The following TRIM33 variants were observed in gnomAD, a reference collection of about 807,000 sequenced individuals.
TRIM33 encodes the protein E3 ubiquitin-protein ligase TRIM33.
In TRIM33, 20 loss-of-function variants were observed where a neutral mutation model predicts 125.4. The ratio of observed to expected loss-of-function variants is 0.16; its 90% CI spans 0.11 to 0.23. The LOEUF is 0.23. Among genes scored for constraint, TRIM33 ranks in the 10% least tolerant of loss-of-function variants. The pLI, the probability that TRIM33 is intolerant of heterozygous loss-of-function variation, is 1.00. For missense variants in TRIM33, 920 were observed against 1,411.4 expected, an observed-to-expected ratio of 0.65 and a Z score of 5.58; for synonymous variants, 564 against 513.9, an observed-to-expected ratio of 1.10 and a Z score of -1.32.
At chr1:114,414,002 CA>C (rs1250606007) in intron 11 of TRIM33, among the ~76,000 whole-genome samples, 1 of 144,558 alleles carries the variant, frequency 6.9e-6, no homozygotes, top group Non-Finnish European at 1.5e-5. Flanking sequence ...CAAAACAAAA[CA>C]AAATAAACCA....
At chr1:114,430,032 G>A (rs1647842609) in intron 6 of TRIM33, among the ~76,000 whole-genome samples, 1 of 151,814 alleles carries the variant, frequency 6.6e-6, no homozygotes, top group Non-Finnish European at 1.5e-5. Context: ...CTAAGTTTAA[G>A]GTTTATAAAT....
intron 1 of TRIM33, among the ~76,000 whole-genome samples, chr1:114,493,753 C>T (rs1652206987): frequency 6.6e-6 from 1 of 152,102 alleles, no homozygotes; most frequent in Non-Finnish European, 1.5e-5. Context: ...GTCAATGCAG[C>T]CTCAACCTCC....
At chr1:114,472,990 A>C (rs1650741719) in intron 1 of TRIM33, among the ~76,000 whole-genome samples, 1 of 152,030 alleles carries the variant, frequency 6.6e-6, no homozygotes, top group Non-Finnish European at 1.5e-5. Flanking sequence ...AAGAAATAGC[A>C]CTCAAATATA....
In TRIM33 at chr1:114,425,500, T is replaced by C. The variant is rs1382094147; in HGVS notation, c.1644A>G (p.Thr548=). The part of the protein sequence containing the change: ...QPPAPVPTTT[T]TTQQHPRQAA... ...CTTGTCTAGGATGCTGTTGTGTTGTTGTTGTTGTAGTTGGTACAGGTGCTG... is the reference window on the plus strand; with the variant it reads ...CTTGTCTAGGATGCTGTTGTGTTGTCGTTGTTGTAGTTGGTACAGGTGCTG... The change falls in exon 9 of 20, where the codon ACA becomes ACG. Residue 548 remains threonine (T), a synonymous_variant. Coordinates refer to ENST00000358465, the MANE Select transcript of TRIM33 (RefSeq NM_015906.4). 7 of 1,614,074 alleles carry C rather than the reference T, an allele frequency of 4.3e-6. No individual in the cohort carries two copies. Among genetic ancestry groups the C allele is most frequent in the Non-Finnish European group, 5.9e-6 (7 of 1,180,028 alleles).
At chr1:114,510,441 G>C in intron 1 of TRIM33, 110 bp downstream of exon 1, 5 of 1,072,694 alleles carry the variant, frequency 4.7e-6, no homozygotes, top group Non-Finnish European at 6.3e-6. Context: ...GAGACCCCTC[G>C]GGATGGCGCC....
At chr1:114,473,541 T>C (rs1650785840) in intron 1 of TRIM33, among the ~76,000 whole-genome samples, 1 of 152,042 alleles carries the variant, frequency 6.6e-6, no homozygotes. Flanking sequence ...TCGGAATGAA[T>C]CAGGGTGGAG....
chr1:114,477,159 C>T lies in TRIM33; in HGVS notation c.527-12771G>A, dbSNP rs1339568595. Among the ~76,000 whole-genome samples, 3 of 151,970 alleles carry T rather than the reference C, an allele frequency of 2.0e-5. No individual in the cohort carries two copies. In the East Asian group the frequency reaches 5.8e-4, roughly 29 times the overall value. On this transcript the variant is annotated intron_variant, in intron 1 of 19. Transcript: ENST00000358465. Reference sequence around the variant, plus strand: ...GATTATTCAACGGAAAGAAATTTAACAAAATAATCATATCAAAACAACTGA... The same window carrying T: ...GATTATTCAACGGAAAGAAATTTAATAAAATAATCATATCAAAACAACTGA...
chr1:114,412,708 T>C (rs995452621), intron 11 of TRIM33, among the ~76,000 whole-genome samples: 4 of 152,246 alleles, frequency 2.6e-5, no homozygotes, highest in Non-Finnish European at 5.9e-5. Flanking sequence ...TCACTGTTAG[T>C]TACTATTCTA....
At position 114,424,762 on chromosome 1, in the gene TRIM33, A is replaced by T; in HGVS notation, c.1696-7T>A. 6.8e-7 allele frequency: 1 copy of T among 1,475,326 alleles called. No homozygotes were observed. Among genetic ancestry groups the T allele is most frequent in the Non-Finnish European group, 9.0e-7 (1 of 1,108,428 alleles). The allele number at this position is 1,475,326 out of a possible 1,614,324, so 91.4% of individuals were successfully genotyped here. A position where few individuals can be genotyped will look rare whatever the true frequency, so the allele number is the denominator to read the frequency against. The stretch of plus-strand genomic sequence containing the variant: ...CACTGATCAATCGAGGAGGCTACAA[A>T]AAGTAGAAATTGCAATTTATGTAAT... On this transcript the variant is annotated splice_region_variant and splice_polypyrimidine_tract_variant and intron_variant, in intron 9 of 19. Transcript: ENST00000358465.
At chr1:114,424,828 T>C (rs1218936062) in intron 9 of TRIM33, 73 bp from the exon 10 acceptor site, 1 of 1,061,010 alleles carries the variant, frequency 9.4e-7, no homozygotes, top group Non-Finnish European at 1.3e-6. Context: ...AATGTAATCA[T>C]AAAAATAATT....
At chr1:114,452,277 T>C (rs1649357339) in intron 4 of TRIM33, among the ~76,000 whole-genome samples, 1 of 152,084 alleles carries the variant, frequency 6.6e-6, no homozygotes, top group South Asian at 2.1e-4. Context: ...CTGGCCAACA[T>C]GGTGAAACCC....
At chr1:114,447,762 C>T (rs1203378920) in intron 4 of TRIM33, among the ~76,000 whole-genome samples, 2 of 152,064 alleles carry the variant, frequency 1.3e-5, no homozygotes, top group African/African-American at 4.8e-5. Context: ...CTTCTGGTAG[C>T]CAAGTACATA....
At chr1:114,485,836 TA>T (rs1300610289) in intron 1 of TRIM33, among the ~76,000 whole-genome samples, 2 of 152,104 alleles carry the variant, frequency 1.3e-5, no homozygotes, top group Admixed American at 1.3e-4. Context: ...ATATTTGCAA[TA>T]TACTCAAAAA....
chr1:114,420,715 T>C (rs1653231914), intron 11 of TRIM33, among the ~76,000 whole-genome samples: 2 of 152,216 alleles, frequency 1.3e-5, no homozygotes, highest in African/African-American at 2.4e-5. Context: ...TGATCTATGT[T>C]ATAGAAAGAC....
chr1:114,450,176 G>C (rs1022347900), intron 4 of TRIM33, among the ~76,000 whole-genome samples: 1 of 152,176 alleles, frequency 6.6e-6, no homozygotes, highest in Non-Finnish European at 1.5e-5. Flanking sequence ...AGAATCGCTT[G>C]CACCCGGCAG....
intron 4 of TRIM33, among the ~76,000 whole-genome samples, chr1:114,451,698 C>G (rs1327012103): frequency 1.3e-5 from 2 of 152,100 alleles, no homozygotes; most frequent in East Asian, 3.9e-4. Context: ...AATAGCTAAA[C>G]TGTTATTGAG....
At chr1:114,501,817 A>C (rs1472725965) in intron 1 of TRIM33, among the ~76,000 whole-genome samples, 1 of 876 alleles carries the variant, frequency 1.1e-3, no homozygotes, top group Non-Finnish European at 0.011. Context: ...GAACATAAAT[A>C]GCATATAAGC....
At chr1:114,470,789 A>G (rs576318509) in intron 1 of TRIM33, among the ~76,000 whole-genome samples, 1 of 152,294 alleles carries the variant, frequency 6.6e-6, no homozygotes, top group South Asian at 2.1e-4. Flanking sequence ...TTGTGAATGC[A>G]AAGGAAAAGT....
chr1:114,431,343 C>A (rs1647939152), intron 5 of TRIM33, among the ~76,000 whole-genome samples: 1 of 152,214 alleles, frequency 6.6e-6, no homozygotes, highest in Admixed American at 6.5e-5. Context: ...AACATAGAAG[C>A]ATTTATTTTC....
Sources: allele counts gnomAD v4.1 joint callset (sites outside exome capture counted in the v4.1 genomes callset), GRCh38; gene constraint gnomAD v4.1.1; transcripts MANE v1.5; gene names NCBI Gene and HGNC (gene_info 2026-07-23, HGNC 2026-07-21).